TUSC3: variants seen among roughly 807,000 people sequenced by gnomAD.
The protein encoded by TUSC3 is dolichyl-diphosphooligosaccharide--protein glycosyltransferase subunit TUSC3.
TUSC3 carries 45 observed loss-of-function variants against 44.8 expected under a neutral mutation model. The ratio of observed to expected loss-of-function variants is 1.00; its 90% CI spans 0.79 to 1.29. The LOEUF is 1.29. Among genes scored for constraint, TUSC3 ranks in the 50% most tolerant of loss-of-function variants. The pLI is 0.00. For synonymous variants in TUSC3, 212 were observed against 152.9 expected, an observed-to-expected ratio of 1.39 and a Z score of -2.85; for missense variants, 519 against 437.9, an observed-to-expected ratio of 1.19 and a Z score of -1.65.
chr8:15,463,022 T>TCTC (rs1355366700), intron 1 of TUSC3, among the ~76,000 whole-genome samples: 2 of 152,182 alleles, frequency 1.3e-5, no homozygotes, highest in South Asian at 4.1e-4. Context: ...ATTTTCTGTT[T>TCTC]CTCCTCCTCC....
At chr8:15,672,335 A>C (rs1807984025) in intron 5 of TUSC3, among the ~76,000 whole-genome samples, 1 of 152,080 alleles carries the variant, frequency 6.6e-6, no homozygotes, top group Non-Finnish European at 1.5e-5. Flanking sequence ...TATTATCCTC[A>C]TGCTATAGAC....
intron 1 of TUSC3, among the ~76,000 whole-genome samples, chr8:15,600,425 C>T (rs1804237699): frequency 6.6e-6 from 1 of 151,686 alleles, no homozygotes; most frequent in South Asian, 2.1e-4. Context: ...TCCTAACCCA[C>T]TTAAAGGAAA....
chr8:15,436,389 C>T (rs564817048), intron 1 of TUSC3, among the ~76,000 whole-genome samples: 1 of 152,300 alleles, frequency 6.6e-6, no homozygotes, highest in East Asian at 1.9e-4. Flanking sequence ...TGTAACCTGC[C>T]ATAGTTCTAA....
chr8:15,812,852 T>C, the TUSC3 span, among the ~76,000 whole-genome samples: 5 of 152,120 alleles, frequency 3.3e-5, no homozygotes, highest in African/African-American at 1.2e-4. Flanking sequence ...TCCCAGCACT[T>C]TGGGAGGCCA....
At position 15,673,741 on chromosome 8, in the gene TUSC3, T is replaced by A; in HGVS notation, c.709-6T>A. On this transcript the variant is annotated splice_polypyrimidine_tract_variant and splice_region_variant and intron_variant, in intron 5 of 10. Transcript: ENST00000503731. The stretch of plus-strand genomic sequence containing the variant: ...ACATATTGAAACACTGCACCCTGTT[T>A]TTCAGTGTATAGTCTTTGCTATGAC... 1 of 1,610,152 alleles carries A rather than the reference T, an allele frequency of 6.2e-7. No homozygotes were observed. Among genetic ancestry groups the A allele is most frequent in the Non-Finnish European group, 8.5e-7 (1 of 1,176,766 alleles).
intron 2 of TUSC3, among the ~76,000 whole-genome samples, chr8:15,491,036 G>C (rs148334444): frequency 2.9e-3 from 444 of 152,338 alleles, no homozygotes; most frequent in African/African-American, 9.8e-3. Context: ...TTTCTGATCA[G>C]CGTTCACTGA....
intron 7 of TUSC3, among the ~76,000 whole-genome samples, chr8:15,731,600 G>T (rs771495131): frequency 6.6e-6 from 1 of 152,086 alleles, no homozygotes. Context: ...GCCCACTTGA[G>T]CTAGAATTAG....
At chr8:15,610,147 A>T (rs1804699208) in intron 1 of TUSC3, among the ~76,000 whole-genome samples, 1 of 152,028 alleles carries the variant, frequency 6.6e-6, no homozygotes, top group East Asian at 1.9e-4. Context: ...TGTATTTTGT[A>T]TCGTTGTTTT....
At chr8:15,717,047 G>C (rs1404409654) in intron 6 of TUSC3, among the ~76,000 whole-genome samples, 1 of 152,016 alleles carries the variant, frequency 6.6e-6, no homozygotes, top group Non-Finnish European at 1.5e-5. Context: ...ATGGTCCTCT[G>C]TAACTAATAT....
chr8:15,828,667 A>G, the TUSC3 span, among the ~76,000 whole-genome samples: 1 of 152,234 alleles, frequency 6.6e-6, no homozygotes, highest in Non-Finnish European at 1.5e-5. Flanking sequence ...TCCTTACAAA[A>G]ATACAGTAAA....
At chr8:15,693,056 G>C (rs545274213) in intron 6 of TUSC3, among the ~76,000 whole-genome samples, 12 of 152,302 alleles carry the variant, frequency 7.9e-5, no homozygotes, top group Non-Finnish European at 1.6e-4. Flanking sequence ...GTCACTGCAT[G>C]TGAGATGGAT....
intron 2 of TUSC3, among the ~76,000 whole-genome samples, chr8:15,487,077 G>C (rs969977524): frequency 6.6e-6 from 1 of 152,110 alleles, no homozygotes; most frequent in African/African-American, 2.4e-5. Flanking sequence ...ATGACAAACC[G>C]ATAAAATACT....
At chr8:15,605,650 T>C (rs1314691920) in intron 1 of TUSC3, among the ~76,000 whole-genome samples, 1 of 151,940 alleles carries the variant, frequency 6.6e-6, no homozygotes, top group East Asian at 1.9e-4. Flanking sequence ...GGGCATAAAA[T>C]GTATATACAT....
At chr8:15,556,544 G>T (rs1361084324) in intron 1 of TUSC3, among the ~76,000 whole-genome samples, 1 of 149,632 alleles carries the variant, frequency 6.7e-6, no homozygotes, top group Non-Finnish European at 1.5e-5. Flanking sequence ...GGGTCAAATG[G>T]TATTTCCAGT....
intron 2 of TUSC3, among the ~76,000 whole-genome samples, chr8:15,511,001 A>G (rs1367019333): frequency 1.3e-5 from 2 of 152,200 alleles, no homozygotes; most frequent in Non-Finnish European, 2.9e-5. Flanking sequence ...AAGCAGAAAA[A>G]TGTTTTGGAA....
intron 10 of TUSC3, chr8:15,758,166 C>T (rs570586265): frequency 1.8e-4 from 195 of 1,086,730 alleles, no homozygotes; most frequent in Non-Finnish European, 2.1e-4. Flanking sequence ...AAAAGGCAGT[C>T]AACAAATATA....
At chr8:15,507,437 C>G (rs1361499499) in intron 2 of TUSC3, among the ~76,000 whole-genome samples, 1 of 152,074 alleles carries the variant, frequency 6.6e-6, no homozygotes, top group Non-Finnish European at 1.5e-5. Context: ...GGAATATTTG[C>G]TAAAAGGCAG....
intron 10 of TUSC3, chr8:15,758,071 C>G (rs1201034782): frequency 1.5e-6 from 2 of 1,342,606 alleles, no homozygotes; most frequent in East Asian, 2.8e-5. Flanking sequence ...AAGACTGACA[C>G]GTGGAGTTAA....
intron 1 of TUSC3, among the ~76,000 whole-genome samples, chr8:15,450,598 C>G (rs569859968): frequency 6.6e-6 from 1 of 151,930 alleles, no homozygotes; most frequent in Non-Finnish European, 1.5e-5. Flanking sequence ...TGAACCCGGG[C>G]GGCAGAGGTT....
Sources: allele counts gnomAD v4.1 joint callset (sites outside exome capture counted in the v4.1 genomes callset), GRCh38; gene constraint gnomAD v4.1.1; transcripts MANE v1.5; gene names NCBI Gene and HGNC (gene_info 2026-07-23, HGNC 2026-07-21).